SUCLG2: variants seen among roughly 807,000 people sequenced by gnomAD.
SUCLG2 encodes succinate-CoA ligase GDP-forming subunit beta.
Under a neutral mutation model 47.9 loss-of-function variants are expected in SUCLG2, and 42 were observed. The ratio of observed to expected loss-of-function variants is 0.88; its 90% confidence interval spans 0.69 to 1.14. The LOEUF (loss-of-function observed/expected upper bound fraction) is 1.14. SUCLG2 is among the 50% of genes most tolerant of loss of function. The pLI, the probability that SUCLG2 is intolerant of heterozygous loss-of-function variation, is 0.00. For synonymous variants in SUCLG2, 195 were observed against 197.3 expected (o/e 0.99, Z 0.10); for missense variants, 571 against 525.9 (o/e 1.09, Z -0.84).
chr3:67,646,716 G>A (rs758550173), intron 1 of SUCLG2, among the ~76,000 whole-genome samples: 1 of 152,114 alleles, frequency 6.6e-6, no homozygotes, highest in Non-Finnish European at 1.5e-5. Context: ...AAGCTATGGA[G>A]TGCTGAAGGC....
intron 9 of SUCLG2, among the ~76,000 whole-genome samples, chr3:67,461,852 G>C (rs1158037102): frequency 1.3e-5 from 2 of 152,040 alleles, no homozygotes; most frequent in Non-Finnish European, 2.9e-5. Flanking sequence ...AAGGAGAAAG[G>C]GATAACAGGC....
At chr3:67,448,535 C>T (rs1703980697) in intron 9 of SUCLG2, among the ~76,000 whole-genome samples, 1 of 152,130 alleles carries the variant, frequency 6.6e-6, no homozygotes, top group South Asian at 2.1e-4. Context: ...CAGACATGTG[C>T]CACCATACCC....
intron 10 of SUCLG2, chr3:67,376,186 G>GC (rs1702032626): frequency 1.0e-6 from 1 of 984,998 alleles, no homozygotes; most frequent in Non-Finnish European, 1.2e-6. Flanking sequence ...TTGTCTTAAA[G>GC]CCCTCTCAGA....
intron 9 of SUCLG2, among the ~76,000 whole-genome samples, chr3:67,465,658 CAG>C (rs915342723): frequency 6.6e-6 from 1 of 152,234 alleles, no homozygotes; most frequent in Non-Finnish European, 1.5e-5. Context: ...CTCCTTCACT[CAG>C]AGTCAGACCT....
chr3:67,428,215 A>T (rs1356575754), intron 9 of SUCLG2, among the ~76,000 whole-genome samples: 2 of 152,222 alleles, frequency 1.3e-5, no homozygotes, highest in African/African-American at 4.8e-5. Context: ...CTGACACCTC[A>T]TACAGCAGGG....
intron 6 of SUCLG2, among the ~76,000 whole-genome samples, chr3:67,509,653 T>C (rs898415872): frequency 9.2e-5 from 14 of 152,134 alleles, no homozygotes; most frequent in African/African-American, 3.1e-4. Context: ...GAATGAGCCA[T>C]GCCCCTACCC....
At position 67,641,671 on chromosome 3, in the gene SUCLG2, T is replaced by A. The variant is rs140915029; in HGVS notation, c.84+12832A>T. On this transcript the variant is annotated intron_variant, in intron 1 of 10. Coordinates refer to ENST00000307227, the MANE Select transcript of SUCLG2 (RefSeq NM_003848.4). ...CACAAAAAGTTCATTGATGTGTGTATTAGTATCCTAGGACTGGCGTACAAA... is the reference window on the plus strand; with the variant it reads ...CACAAAAAGTTCATTGATGTGTGTAATAGTATCCTAGGACTGGCGTACAAA... Among the ~76,000 whole-genome samples the A allele has an allele frequency of 7.2e-4, 109 of 152,314 alleles. 1 individual carries two copies. Among genetic ancestry groups the A allele is most frequent in the Admixed American group, 1.3e-3 (20 of 15,314 alleles).
chr3:67,554,517 T>C (rs1707104107), intron 2 of SUCLG2, among the ~76,000 whole-genome samples: 1 of 152,228 alleles, frequency 6.6e-6, no homozygotes, highest in Admixed American at 6.5e-5. Context: ...CACTCCTTTA[T>C]GAATTTCTTT....
chr3:67,475,108 T>C (rs2106997802), intron 9 of SUCLG2, among the ~76,000 whole-genome samples: 1 of 152,166 alleles, frequency 6.6e-6, no homozygotes, highest in East Asian at 1.9e-4. Context: ...CATAAGTGAA[T>C]GGCATAAGTG....
chr3:67,549,463 G>A (rs1706953598), intron 2 of SUCLG2, among the ~76,000 whole-genome samples: 1 of 152,054 alleles, frequency 6.6e-6, no homozygotes, highest in Non-Finnish European at 1.5e-5. Context: ...ATTACTTTTT[G>A]CAAACTTTAG....
chr3:67,394,656 C>G (rs1184359428), intron 10 of SUCLG2, among the ~76,000 whole-genome samples: 1 of 151,690 alleles, frequency 6.6e-6, no homozygotes, highest in Non-Finnish European at 1.5e-5. Context: ...CATTCAGATT[C>G]AGGAAATACA....
chr3:67,427,365 T>C (rs1306332004), intron 9 of SUCLG2, among the ~76,000 whole-genome samples: 2 of 152,192 alleles, frequency 1.3e-5, no homozygotes, highest in Non-Finnish European at 2.9e-5. Flanking sequence ...ACACAAATGC[T>C]TGGTTTCAGA....
chr3:67,543,108 T>C (rs975666843), intron 2 of SUCLG2, among the ~76,000 whole-genome samples: 3 of 152,130 alleles, frequency 2.0e-5, no homozygotes, highest in African/African-American at 7.2e-5. Flanking sequence ...ATGGAAATCA[T>C]AACAGTGTCT....
chr3:67,606,269 G>A (rs1034166609), intron 2 of SUCLG2, among the ~76,000 whole-genome samples: 6 of 151,900 alleles, frequency 3.9e-5, no homozygotes, highest in African/African-American at 1.2e-4. Flanking sequence ...ACAATACAAT[G>A]GCTAAATAAA....
In SUCLG2 at chr3:67,403,508, G is replaced by A. The variant is rs1191642270; in HGVS notation, c.1063-2657C>T. Among the ~76,000 whole-genome samples the A allele has an allele frequency of 2.7e-5, 4 of 147,394 alleles. No homozygotes were observed. In the East Asian group the frequency reaches 6.0e-4, roughly 22 times the overall value. ...AATTAAGTTTTGGGATATGGAGAAG[G>A]ATGAAGTATCATCACTGTCCTCAGG... On this transcript the variant is annotated intron_variant, in intron 9 of 10. Coordinates refer to ENST00000307227, the MANE Select transcript of SUCLG2 (RefSeq NM_003848.4).
At chr3:67,405,075 T>C (rs1702771536) in intron 9 of SUCLG2, among the ~76,000 whole-genome samples, 1 of 151,756 alleles carries the variant, frequency 6.6e-6, no homozygotes, top group Non-Finnish European at 1.5e-5. Context: ...CTTTTTCTAA[T>C]TCTCGGGTGA....
chr3:67,498,352 G>C, intron 7 of SUCLG2, 57 bp from the exon 8 acceptor site: 2 of 1,576,248 alleles, frequency 1.3e-6, no homozygotes, highest in Admixed American at 1.7e-5. Context: ...TATAAATTAA[G>C]TTCTTCAGGC....
chr3:67,518,224 C>CCAT (rs764473076), intron 6 of SUCLG2, 23 bp downstream of exon 6: 1 of 1,584,682 alleles, frequency 6.3e-7, no homozygotes. Context: ...GTCAGACACA[C>CCAT]CATCCCCCAA....
chr3:67,486,376 C>T (rs1222711519), intron 9 of SUCLG2, among the ~76,000 whole-genome samples: 1 of 152,186 alleles, frequency 6.6e-6, no homozygotes, highest in Non-Finnish European at 1.5e-5. Flanking sequence ...ATCCAAAACA[C>T]TACCCAGGCA....
Sources: gnomAD v4.1 joint callset for allele counts (sites outside exome capture counted in the v4.1 genomes callset) on GRCh38, gnomAD v4.1.1 for gene constraint, MANE v1.5 for transcripts, NCBI Gene and HGNC (gene_info 2026-07-23, HGNC 2026-07-21) for gene names.